Variants in MAGI2 observed in about 807,000 individuals in gnomAD.
MAGI2 encodes membrane associated guanylate kinase, WW and PDZ domain containing 2.
In MAGI2, 35 loss-of-function variants were observed where a neutral mutation model predicts 133.3. The ratio of observed to expected loss-of-function variants is 0.26; its 90% CI spans 0.20 to 0.35. The LOEUF is 0.35. Ranked by LOEUF, MAGI2 falls within the 10% of genes least tolerant of loss-of-function variation. MAGI2 has a pLI of 1.00. For synonymous variants in MAGI2, 729 were observed against 710.6 expected (o/e 1.03, Z -0.41); for missense variants, 1,636 against 1,863.4 (o/e 0.88, Z 2.25).
chr7:78,707,779 A>G (rs1355210559), intron 2 of MAGI2, among the ~76,000 whole-genome samples: 3 of 152,020 alleles, frequency 2.0e-5, no homozygotes, highest in Non-Finnish European at 4.4e-5. Flanking sequence ...ACATACCTAG[A>G]TTTCATTACT....
intron 2 of MAGI2, among the ~76,000 whole-genome samples, chr7:78,721,921 T>C (rs1820307017): frequency 6.6e-6 from 1 of 151,888 alleles, no homozygotes; most frequent in Non-Finnish European, 1.5e-5. Context: ...CATAAACAAC[T>C]AGCAAACTTG....
chr7:78,525,897 T>A (rs1310905621), intron 3 of MAGI2, among the ~76,000 whole-genome samples: 1 of 151,884 alleles, frequency 6.6e-6, no homozygotes, highest in African/African-American at 2.4e-5. Context: ...AAATGGGGAG[T>A]AGAGTAACTC....
chr7:79,011,084 C>G (rs1808038436), intron 1 of MAGI2: 1 of 152,092 alleles, frequency 6.6e-6, no homozygotes, highest in African/African-American at 2.4e-5. Flanking sequence ...AAGTGAAGCT[C>G]ACACAAAGAG....
chr7:78,530,763 G>A (rs1797399185), intron 3 of MAGI2, among the ~76,000 whole-genome samples: 1 of 151,552 alleles, frequency 6.6e-6, no homozygotes, highest in East Asian at 1.9e-4. Context: ...TATGATATGT[G>A]TCCCATTTCC....
At chr7:79,035,187 A>G (rs1320274009) in intron 1 of MAGI2, among the ~76,000 whole-genome samples, 1 of 128,766 alleles carries the variant, frequency 7.8e-6, no homozygotes, top group Non-Finnish European at 1.6e-5. Context: ...CCCACAAAAA[A>G]AAGTGTGTGT....
chr7:79,040,122 G>A (rs1811519345), intron 1 of MAGI2, among the ~76,000 whole-genome samples: 2 of 151,784 alleles, frequency 1.3e-5, no homozygotes, highest in South Asian at 2.1e-4. Flanking sequence ...AGGTAATTGA[G>A]TCATGGGGGT....
In MAGI2 at chr7:78,707,362, T is replaced by G. The variant is rs577605921; in HGVS notation, c.419-80123A>C. ...TAACAAAAATTCCTTAAAATATGCC[T>G]GAAAGGTGAATCTGTGACTATACTT... On this transcript the variant is annotated intron_variant, in intron 2 of 21. Coordinates refer to ENST00000354212, the MANE Select transcript of MAGI2 (RefSeq NM_012301.4). Among the ~76,000 whole-genome samples, 17 of 152,196 alleles carry G rather than the reference T, an allele frequency of 1.1e-4. No homozygotes were observed. The South Asian group carries it at 2.5e-3, about 22-fold the overall frequency.
At chr7:78,927,021 G>GT (rs1799750294) in intron 2 of MAGI2, among the ~76,000 whole-genome samples, 2 of 152,040 alleles carry the variant, frequency 1.3e-5, no homozygotes, top group Admixed American at 1.3e-4. Flanking sequence ...CTAAACAGTG[G>GT]TTTACAGGAA....
intron 1 of MAGI2, among the ~76,000 whole-genome samples, chr7:79,111,437 G>T (rs552169209): frequency 2.3e-4 from 35 of 152,244 alleles, no homozygotes; most frequent in African/African-American, 8.2e-4. Flanking sequence ...GAAAAGGAAA[G>T]AATAAATTAT....
intron 9 of MAGI2, among the ~76,000 whole-genome samples, chr7:78,279,321 A>T (rs1214006660): frequency 6.6e-6 from 1 of 152,172 alleles, no homozygotes; most frequent in African/African-American, 2.4e-5. Flanking sequence ...GGAAGGCTTA[A>T]GTCACTCCGA....
intron 9 of MAGI2, among the ~76,000 whole-genome samples, chr7:78,281,422 G>A (rs1352762477): frequency 6.6e-6 from 1 of 151,758 alleles, no homozygotes. Flanking sequence ...GTTTCATAAG[G>A]GACTCTTCCC....
chr7:78,703,572 T>C (rs1400196620), intron 2 of MAGI2, among the ~76,000 whole-genome samples: 4 of 152,158 alleles, frequency 2.6e-5, no homozygotes, highest in South Asian at 2.1e-4. Context: ...ACAACAGTGG[T>C]TGTCCATGAA....
chr7:79,298,417 T>G (rs1401192887), intron 1 of MAGI2, among the ~76,000 whole-genome samples: 1 of 152,092 alleles, frequency 6.6e-6, no homozygotes, highest in Non-Finnish European at 1.5e-5. Context: ...AGTAAGTTCT[T>G]TTAGGAACAA....
At chr7:78,559,136 C>CAAAAAAAAAAAAAAAAA (rs71085541) in intron 3 of MAGI2, among the ~76,000 whole-genome samples, 1 of 54,744 alleles carries the variant, frequency 1.8e-5, no homozygotes, top group Non-Finnish European at 3.0e-5. Flanking sequence ...TCTGAATTTC[C>CAAAAAAAAAAAAAAAAA]AAAAAAAAAA....
intron 10 of MAGI2, among the ~76,000 whole-genome samples, chr7:78,218,563 G>A (rs187434112): frequency 6.6e-6 from 1 of 152,290 alleles, no homozygotes; most frequent in Non-Finnish European, 1.5e-5. Flanking sequence ...TAAGTTGACA[G>A]CTTATTTTTG....
At chr7:78,858,088 A>C (rs1039433044) in intron 2 of MAGI2, among the ~76,000 whole-genome samples, 1 of 152,120 alleles carries the variant, frequency 6.6e-6, no homozygotes, top group South Asian at 2.1e-4. Context: ...TCTTTGGATC[A>C]GTGGTGATAT....
At chr7:78,550,615 T>A (rs1799251896) in intron 3 of MAGI2, among the ~76,000 whole-genome samples, 1 of 152,210 alleles carries the variant, frequency 6.6e-6, no homozygotes, top group Admixed American at 6.5e-5. Context: ...ATGGCACTTC[T>A]GCATAACTCC....
intron 1 of MAGI2, among the ~76,000 whole-genome samples, chr7:79,297,682 G>A (rs749463554): frequency 2.1e-4 from 32 of 152,280 alleles, no homozygotes; most frequent in Admixed American, 5.2e-4. Context: ...TAAATCCAGA[G>A]AAATAAGTTT....
rs769566387 is a variant in MAGI2 at position 78,521,479 on chromosome 7, T to C, written c.705A>G (p.Glu235=). 8.4e-5 allele frequency: 136 copies of C among 1,614,038 alleles called. No individual in the cohort carries two copies. Among genetic ancestry groups the C allele is most frequent in the Non-Finnish European group, 1.1e-4 (135 of 1,180,016 alleles). Residue 235 remains glutamate (E), a synonymous_variant, in exon 4 of 22, where the codon GAA becomes GAG. Coordinates refer to ENST00000354212, the MANE Select transcript of MAGI2 (RefSeq NM_012301.4). The part of the protein sequence containing the change: ...EKASIEPPEE[E]EEERPVVNGN... ...CATTGACCACAGGCCTCTCTTCCTC[T>C]TCCTCCTCAGGAGGCTCTATACTGG...
Sources: allele counts gnomAD v4.1 joint callset (sites outside exome capture counted in the v4.1 genomes callset), GRCh38; gene constraint gnomAD v4.1.1; transcripts MANE v1.5; gene names NCBI Gene and HGNC (gene_info 2026-07-23, HGNC 2026-07-21).